The following BABAM2 variants were observed in gnomAD, a reference collection of about 807,000 sequenced individuals.
BABAM2 encodes the protein BRISC and BRCA1-A complex member 2.
BABAM2 carries 31 observed loss-of-function variants against 54.7 expected under a neutral mutation model. The observed-to-expected ratio is 0.57, with a 90% CI of 0.43 to 0.77. BABAM2 has a LOEUF of 0.77. BABAM2 is among the 30% of genes least tolerant of loss of function. The probability of loss-of-function intolerance (pLI) is 0.00; values close to 1 mark genes in which losing one functional copy is unlikely to be tolerated. For synonymous variants in BABAM2, 167 were observed against 162.9 expected (o/e 1.03, Z -0.19); for missense variants, 364 against 455.8 (o/e 0.80, Z 1.83).
intron 10 of BABAM2, among the ~76,000 whole-genome samples, chr2:28,257,751 G>A (rs973696880): frequency 4.6e-5 from 7 of 152,160 alleles, no homozygotes; most frequent in Non-Finnish European, 7.3e-5. Context: ...CCAGTGTGGT[G>A]ACATGCACCT....
At position 28,325,887 on chromosome 2, in the gene BABAM2, A is replaced by G. The variant is rs114409824; in HGVS notation, c.1089-12563A>G. ...GTGAACTTACAACCAGGCAAATAAC[A>G]CTTCAAAGCCCTAGAGAGACTCAGG... On this transcript the variant is annotated intron_variant, in intron 11 of 11. Transcript: ENST00000379624. The surrounding 1 kb of genome is among the most constrained non-coding windows in gnomAD (Gnocchi z 4.3). 6.8e-3 allele frequency among the ~76,000 whole-genome samples: 1,042 copies of G among 152,226 alleles called. 4 individuals carry two copies. Among genetic ancestry groups the G allele is most frequent in the African/African-American group, 0.024 (995 of 41,528 alleles).
intron 7 of BABAM2, among the ~76,000 whole-genome samples, chr2:28,157,162 T>C (rs1672621713): frequency 1.3e-5 from 2 of 152,220 alleles, no homozygotes; most frequent in Admixed American, 1.3e-4. Context: ...AAGCTTTTCC[T>C]GGGCAATTTA....
At position 28,270,359 on chromosome 2, in the gene BABAM2, A is replaced by G. The variant is rs902513577; in HGVS notation, c.934+25497A>G. 3.3e-5 allele frequency among the ~76,000 whole-genome samples: 5 copies of G among 152,152 alleles called. No individual in the cohort carries two copies. In the East Asian group the frequency reaches 9.6e-4, roughly 29 times the overall value. The stretch of plus-strand genomic sequence containing the variant: ...TGGTCTCAAACTCCTGGCTTCAAGC[A>G]TTCATCCTGCCACAGCCTCCCAAAG... On this transcript the variant is annotated intron_variant, in intron 10 of 11. Coordinates refer to ENST00000379624, the MANE Select transcript of BABAM2 (RefSeq NM_199191.3).
At chr2:28,301,598 T>A (rs1285051757) in intron 11 of BABAM2, among the ~76,000 whole-genome samples, 1 of 152,218 alleles carries the variant, frequency 6.6e-6, no homozygotes, top group Non-Finnish European at 1.5e-5. Flanking sequence ...TTCTGCTGTG[T>A]ACCTCAGTGC....
chr2:28,068,414 C>CA (rs1663818607), intron 6 of BABAM2, among the ~76,000 whole-genome samples: 1 of 152,182 alleles, frequency 6.6e-6, no homozygotes, highest in African/African-American at 2.4e-5. Context: ...ACATAAAATA[C>CA]TGAGTTTATA....
intron 7 of BABAM2, among the ~76,000 whole-genome samples, chr2:28,183,290 A>T (rs1010707920): frequency 9.9e-5 from 15 of 152,070 alleles, no homozygotes; most frequent in African/African-American, 3.6e-4. Context: ...AATACAAAAA[A>T]ATTAGCTGGG....
At chr2:28,060,327 T>C (rs1267806448) in intron 6 of BABAM2, among the ~76,000 whole-genome samples, 1 of 152,122 alleles carries the variant, frequency 6.6e-6, no homozygotes, top group African/African-American at 2.4e-5. Flanking sequence ...CTCTTAGGAA[T>C]CTAGGAATGG....
At chr2:28,233,351 A>T in intron 7 of BABAM2, 1 of 454,788 alleles carries the variant, frequency 2.2e-6, no homozygotes, top group Non-Finnish European at 4.5e-6. Context: ...GAATCTCTGC[A>T]CAGGGTGAGT....
intron 6 of BABAM2, among the ~76,000 whole-genome samples, chr2:28,047,219 G>A (rs1458746195): frequency 1.3e-5 from 2 of 152,076 alleles, no homozygotes; most frequent in Non-Finnish European, 2.9e-5. Context: ...TCCTGTTGTG[G>A]AAAATATATA....
At chr2:27,988,767 GT>G (rs1399450245) in intron 4 of BABAM2, among the ~76,000 whole-genome samples, 1 of 152,076 alleles carries the variant, frequency 6.6e-6, no homozygotes, top group Non-Finnish European at 1.5e-5. Flanking sequence ...ATGCCATTTT[GT>G]TTAAATGGTT....
At chr2:27,985,408 A>G (rs2148481134) in intron 3 of BABAM2, among the ~76,000 whole-genome samples, 1 of 152,148 alleles carries the variant, frequency 6.6e-6, no homozygotes, top group East Asian at 1.9e-4. Flanking sequence ...TTTTTTGATT[A>G]TGGCCATTCT....
At chr2:28,113,436 G>T (rs1005379554) in intron 6 of BABAM2, among the ~76,000 whole-genome samples, 2 of 152,070 alleles carry the variant, frequency 1.3e-5, no homozygotes, top group African/African-American at 2.4e-5. Context: ...TTTTTGTCAG[G>T]TTTGTCAAAG....
chr2:28,064,528 A>G (rs1034351657), intron 6 of BABAM2, among the ~76,000 whole-genome samples: 2 of 152,242 alleles, frequency 1.3e-5, no homozygotes, highest in Non-Finnish European at 2.9e-5. Flanking sequence ...GGAAATCAAC[A>G]TGAAGCTATT....
intron 7 of BABAM2, among the ~76,000 whole-genome samples, chr2:28,170,311 G>A (rs1674182931): frequency 6.6e-6 from 1 of 152,006 alleles, no homozygotes; most frequent in South Asian, 2.1e-4. Flanking sequence ...CTGGAGTGGT[G>A]TGATTATGTA....
intron 7 of BABAM2, among the ~76,000 whole-genome samples, chr2:28,160,833 C>T (rs1673017954): frequency 1.3e-5 from 2 of 149,264 alleles, no homozygotes; most frequent in African/African-American, 2.5e-5. Flanking sequence ...GTGTTAGAGA[C>T]AATGGATTCC....
chr2:27,965,687 A>G (rs1382418438), intron 3 of BABAM2, among the ~76,000 whole-genome samples: 2 of 152,220 alleles, frequency 1.3e-5, no homozygotes, highest in Non-Finnish European at 2.9e-5. Flanking sequence ...GTACATACAT[A>G]TACAAACATA....
chr2:28,019,062 C>T (rs139664983), intron 4 of BABAM2, among the ~76,000 whole-genome samples: 58 of 152,184 alleles, frequency 3.8e-4, no homozygotes, highest in African/African-American at 1.3e-3. Context: ...CATATGTTCT[C>T]ATTGTTCAAC....
At chr2:28,235,117 G>A (rs1681779296) in intron 7 of BABAM2, among the ~76,000 whole-genome samples, 1 of 152,154 alleles carries the variant, frequency 6.6e-6, no homozygotes, top group African/African-American at 2.4e-5. Flanking sequence ...TGACTTCCTT[G>A]TGTCACTCGA....
chr2:28,231,012 A>C (rs1000814799), intron 7 of BABAM2, among the ~76,000 whole-genome samples: 3 of 152,218 alleles, frequency 2.0e-5, no homozygotes, highest in Non-Finnish European at 2.9e-5. Flanking sequence ...AAGAATTCCT[A>C]ATGAAAAAGG....
Sources: gnomAD v4.1 joint callset for allele counts (sites outside exome capture counted in the v4.1 genomes callset) on GRCh38, gnomAD v4.1.1 for gene constraint, Gnocchi (gnomAD v3.1) non-coding constraint, MANE v1.5 for transcripts, NCBI Gene and HGNC (gene_info 2026-07-23, HGNC 2026-07-21) for gene names.